The following NELL1 variants were observed in gnomAD, a reference collection of about 807,000 sequenced individuals.
The protein encoded by NELL1 is protein kinase C-binding protein NELL1.
Under a neutral mutation model 107.4 loss-of-function variants are expected in NELL1, and 76 were observed. The observed-to-expected ratio is 0.71, with a 90% CI of 0.59 to 0.86. The LOEUF (loss-of-function observed/expected upper bound fraction) is 0.86, where lower values mean the gene tolerates loss of function less well. Ranked by LOEUF, NELL1 falls within the 40% of genes least tolerant of loss-of-function variation. The pLI is 0.00. For missense variants in NELL1, 1,024 were observed against 1,005.5 expected, an observed-to-expected ratio of 1.02 and a Z score of -0.25; for synonymous variants, 353 against 341.2, an observed-to-expected ratio of 1.03 and a Z score of -0.38.
chr11:21,480,113 G>C (rs75064607), intron 15 of NELL1, among the ~76,000 whole-genome samples: 2 of 151,904 alleles, frequency 1.3e-5, no homozygotes, highest in Non-Finnish European at 2.9e-5. Flanking sequence ...TATTATTTTC[G>C]TGTCTCTCAA....
chr11:21,233,571 T>G (rs1248336098), intron 14 of NELL1, among the ~76,000 whole-genome samples: 1 of 152,232 alleles, frequency 6.6e-6, no homozygotes, highest in Admixed American at 6.5e-5. Context: ...GCTCACATAT[T>G]TAATAAATAG....
intron 1 of NELL1, among the ~76,000 whole-genome samples, chr11:20,673,757 C>T (rs537129498): frequency 2.6e-5 from 4 of 152,218 alleles, no homozygotes; most frequent in East Asian, 1.9e-4. Context: ...TTTGTAGAGC[C>T]GTTATGTCCA....
chr11:21,509,117 T>C (rs554145359), intron 15 of NELL1, among the ~76,000 whole-genome samples: 37 of 152,208 alleles, frequency 2.4e-4, no homozygotes, highest in African/African-American at 8.7e-4. Flanking sequence ...AATAAATATA[T>C]AGAAAGATGT....
At chr11:21,063,006 GTGTA>G (rs1344032769) in intron 12 of NELL1, among the ~76,000 whole-genome samples, 1 of 151,690 alleles carries the variant, frequency 6.6e-6, no homozygotes. Flanking sequence ...GTGTGTGTGT[GTGTA>G]TGTGTATATG....
intron 12 of NELL1, among the ~76,000 whole-genome samples, chr11:20,976,987 G>C (rs913952720): frequency 6.6e-6 from 1 of 151,674 alleles, no homozygotes; most frequent in Admixed American, 6.6e-5. Flanking sequence ...AGAAGAGAAT[G>C]GTTCGTCATT....
chr11:20,705,747 A>T (rs1854931016), intron 2 of NELL1, among the ~76,000 whole-genome samples: 3 of 148,828 alleles, frequency 2.0e-5, no homozygotes, highest in Non-Finnish European at 4.5e-5. Flanking sequence ...AATGGGAGAA[A>T]ATTTTTGCAA....
chr11:21,107,126 A>T (rs2133716758), intron 12 of NELL1, among the ~76,000 whole-genome samples: 1 of 152,308 alleles, frequency 6.6e-6, no homozygotes, highest in South Asian at 2.1e-4. Flanking sequence ...GTTACAATTG[A>T]TGGACCTTCA....
intron 3 of NELL1, among the ~76,000 whole-genome samples, chr11:20,829,428 A>G (rs191203813): frequency 6.6e-6 from 1 of 152,040 alleles, no homozygotes; most frequent in East Asian, 1.9e-4. Context: ...AGGTTTCACT[A>G]TCTTGGCCAG....
intron 2 of NELL1, among the ~76,000 whole-genome samples, chr11:20,774,896 CAG>C (rs764877167): frequency 6.6e-5 from 10 of 151,798 alleles, no homozygotes; most frequent in Non-Finnish European, 8.8e-5. Context: ...TCTTGACAAT[CAG>C]TGTGTATTAA....
chr11:20,725,179 G>A (rs1196029971), intron 2 of NELL1, among the ~76,000 whole-genome samples: 4 of 152,196 alleles, frequency 2.6e-5, no homozygotes, highest in Non-Finnish European at 5.9e-5. Context: ...TGTAGTCACA[G>A]CATCTCCAAA....
chr11:21,157,161 A>ATATATATATGTG (rs372420048), intron 13 of NELL1, among the ~76,000 whole-genome samples: 4 of 149,626 alleles, frequency 2.7e-5, no homozygotes, highest in African/African-American at 9.9e-5. Flanking sequence ...ATATATATAT[A>ATATATATATGTG]TGTGTGTGTG....
At chr11:20,699,637 C>T (rs545393077) in intron 2 of NELL1, among the ~76,000 whole-genome samples, 4 of 152,152 alleles carry the variant, frequency 2.6e-5, no homozygotes, top group Non-Finnish European at 5.9e-5. Flanking sequence ...GGATTACAGG[C>T]GTGAGCCACT....
chr11:21,514,865 C>A (rs1184024724), intron 15 of NELL1, among the ~76,000 whole-genome samples: 3 of 152,102 alleles, frequency 2.0e-5, no homozygotes, highest in Non-Finnish European at 1.5e-5. Context: ...GGACTGGCTT[C>A]CAATGTATTT....
chr11:21,484,697 T>C (rs1854583064), intron 15 of NELL1, among the ~76,000 whole-genome samples: 1 of 152,102 alleles, frequency 6.6e-6, no homozygotes, highest in Non-Finnish European at 1.5e-5. Flanking sequence ...AATATAAAAT[T>C]ATAGAAATCA....
At chr11:21,366,771 A>C (rs2133747003) in intron 14 of NELL1, among the ~76,000 whole-genome samples, 1 of 152,250 alleles carries the variant, frequency 6.6e-6, no homozygotes, top group African/African-American at 2.4e-5. Flanking sequence ...AAGGAAGAAA[A>C]GGTTTACCTT....
At chr11:21,105,353 C>G (rs1854925553) in intron 12 of NELL1, among the ~76,000 whole-genome samples, 1 of 152,142 alleles carries the variant, frequency 6.6e-6, no homozygotes, top group Non-Finnish European at 1.5e-5. Context: ...GAGACAGTGT[C>G]TGATTTACAT....
chr11:20,943,661 C>G (rs929317146), intron 10 of NELL1, among the ~76,000 whole-genome samples: 1 of 152,016 alleles, frequency 6.6e-6, no homozygotes, highest in Non-Finnish European at 1.5e-5. Context: ...AGGTAATACC[C>G]AGATGTGAAA....
intron 2 of NELL1, among the ~76,000 whole-genome samples, chr11:20,777,704 A>G (rs1856776192): frequency 6.6e-6 from 1 of 152,238 alleles, no homozygotes; most frequent in African/African-American, 2.4e-5. Context: ...CACTCAGGCT[A>G]GAAGGTTGTG....
At position 21,182,479 on chromosome 11, in the gene NELL1, C is replaced by T. The variant is rs76473594; in HGVS notation, c.1427-46853C>T. ...AAGAAAGAAAATGGGCTCCATTGAA[C>T]TTTGTAATCAGTCATGGTTCAGTCA... On this transcript the variant is annotated intron_variant, in intron 13 of 19. Transcript: ENST00000357134. Among the ~76,000 whole-genome samples the T allele has an allele frequency of 4.4e-3, 662 of 149,612 alleles. 1 individual carries two copies. The highest frequency in any genetic ancestry group is 7.1e-3 in the Non-Finnish European group (479 of 67,600).
Sources: gnomAD v4.1 joint callset for allele counts (sites outside exome capture counted in the v4.1 genomes callset) on GRCh38, gnomAD v4.1.1 for gene constraint, MANE v1.5 for transcripts, NCBI Gene and HGNC (gene_info 2026-07-23, HGNC 2026-07-21) for gene names.